DENND1A: variants seen among roughly 807,000 people sequenced by gnomAD.
The protein encoded by DENND1A is DENN domain containing 1A.
In DENND1A, 51 loss-of-function variants were observed where a neutral mutation model predicts 113.7. The observed-to-expected ratio is 0.45, with a 90% CI of 0.36 to 0.57. The LOEUF is 0.57. Among genes scored for constraint, DENND1A ranks in the 20% least tolerant of loss-of-function variants. The pLI is 0.00. For missense variants in DENND1A, 1,258 were observed against 1,395.9 expected (o/e 0.90, Z 1.57); for synonymous variants, 565 against 570.8 (o/e 0.99, Z 0.14).
chr9:123,453,911 A>C (rs2047918750), intron 16 of DENND1A, among the ~76,000 whole-genome samples: 1 of 152,222 alleles, frequency 6.6e-6, no homozygotes, highest in Non-Finnish European at 1.5e-5. Context: ...CAATCAATCA[A>C]CAAGTCCTTA....
chr9:123,572,536 C>T (rs1315579213), intron 12 of DENND1A, among the ~76,000 whole-genome samples: 2 of 152,094 alleles, frequency 1.3e-5, no homozygotes, highest in Admixed American at 6.5e-5. Flanking sequence ...TGCAGTAGAA[C>T]CTTGTTGTGA....
rs747838140 is a variant in DENND1A, at chr9:123,514,090, GTGTGTGTATGTGTGTGTGTC to G, written c.993+43460_993+43479del. Among the ~76,000 whole-genome samples, 441 of 85,348 alleles carry G rather than the reference GTGTGTGTATGTGTGTGTGTC, an allele frequency of 5.2e-3. 1 individual carries two copies. The highest frequency in any genetic ancestry group is 0.021 in the Middle Eastern group (3 of 144). 56.0% of individuals were successfully genotyped at this position (85,348 alleles called of 152,430 possible). A position where few individuals can be genotyped will look rare whatever the true frequency, so the allele number is the denominator to read the frequency against. ...GGTGTGTGTGTGTGTGTGTGTGTGT[GTGTGTGTATGTGTGTGTGTC>G]TGTGTGTGTGTCCATGACACCCAGC... On this transcript the variant is annotated intron_variant, in intron 13 of 23. Transcript: ENST00000394215.
chr9:123,541,138 A>G (rs1239671292), intron 13 of DENND1A, among the ~76,000 whole-genome samples: 1 of 152,236 alleles, frequency 6.6e-6, no homozygotes, highest in Non-Finnish European at 1.5e-5. Context: ...TCACTGCTGC[A>G]ATTCCAAGCA....
chr9:123,538,951 G>C (rs1052802216), intron 13 of DENND1A, among the ~76,000 whole-genome samples: 1 of 149,654 alleles, frequency 6.7e-6, no homozygotes, highest in Non-Finnish European at 1.5e-5. Context: ...GGTAAATAAA[G>C]AGAAAGAGTC....
chr9:123,725,357 C>T (rs1484289482), intron 5 of DENND1A, among the ~76,000 whole-genome samples: 1 of 152,206 alleles, frequency 6.6e-6, no homozygotes, highest in African/African-American at 2.4e-5. Flanking sequence ...TGCAAACCAA[C>T]TTGAGAAAAG....
intron 5 of DENND1A, among the ~76,000 whole-genome samples, chr9:123,710,319 G>A (rs2066493298): frequency 6.6e-6 from 1 of 152,116 alleles, no homozygotes; most frequent in Non-Finnish European, 1.5e-5. Context: ...ACAAAATTTT[G>A]CAAAAACACA....
chr9:123,474,025 C>T (rs1190601839), intron 13 of DENND1A, among the ~76,000 whole-genome samples: 11 of 122,450 alleles, frequency 9.0e-5, no homozygotes, highest in South Asian at 5.3e-4. Flanking sequence ...GATGGAGTCT[C>T]GCTCTGTCTC....
intron 13 of DENND1A, among the ~76,000 whole-genome samples, chr9:123,472,310 T>G (rs959657058): frequency 5.3e-5 from 8 of 152,120 alleles, no homozygotes; most frequent in Admixed American, 3.9e-4. Flanking sequence ...AAGAAGCAAG[T>G]GCTCCCTAAC....
At chr9:123,548,109 C>T (rs1003405125) in intron 13 of DENND1A, among the ~76,000 whole-genome samples, 46 of 152,170 alleles carry the variant, frequency 3.0e-4, no homozygotes, top group African/African-American at 1.1e-3. Flanking sequence ...GGCCATACTC[C>T]TTCCATCACA....
intron 13 of DENND1A, among the ~76,000 whole-genome samples, chr9:123,545,527 C>T (rs1469653782): frequency 1.3e-5 from 2 of 151,750 alleles, no homozygotes; most frequent in Non-Finnish European, 2.9e-5. Flanking sequence ...AGTGCAGTGG[C>T]ACGATCTCAG....
intron 1 of DENND1A, among the ~76,000 whole-genome samples, chr9:123,898,399 A>G (rs1213679189): frequency 6.6e-6 from 1 of 152,100 alleles, no homozygotes; most frequent in Non-Finnish European, 1.5e-5. Context: ...ACATGAACAC[A>G]GCTTACTGCA....
At chr9:123,395,103 C>T (rs144499550) in intron 21 of DENND1A, among the ~76,000 whole-genome samples, 173 of 152,236 alleles carry the variant, frequency 1.1e-3, no homozygotes, top group African/African-American at 4.0e-3. Context: ...TGAGAAATGG[C>T]GATGTGGCAT....
intron 3 of DENND1A, among the ~76,000 whole-genome samples, chr9:123,774,696 A>G (rs1474920842): frequency 1.3e-5 from 2 of 152,170 alleles, no homozygotes; most frequent in Non-Finnish European, 2.9e-5. Context: ...GTACATTTCA[A>G]TATTTACCCC....
intron 13 of DENND1A, among the ~76,000 whole-genome samples, chr9:123,479,855 C>A (rs1481359922): frequency 1.3e-5 from 2 of 152,222 alleles, no homozygotes; most frequent in Admixed American, 6.5e-5. Flanking sequence ...ACGCTAACTG[C>A]AGGGTGATTT....
chr9:123,485,656 G>GCACACACACACACACACA (rs77062893), intron 13 of DENND1A: 2 of 141,240 alleles, frequency 1.4e-5, no homozygotes, highest in African/African-American at 5.8e-5. Context: ...GCGCGCGCGC[G>GCACACACACACACACACA]CACACACACA....
intron 13 of DENND1A, among the ~76,000 whole-genome samples, chr9:123,467,069 AAAAACAAAAC>A (rs372292471): frequency 1.3e-5 from 2 of 152,156 alleles, no homozygotes; most frequent in Admixed American, 6.5e-5. Context: ...CCAAAAAAAC[AAAAACAAAAC>A]AAAACAAAAC....
intron 2 of DENND1A, among the ~76,000 whole-genome samples, chr9:123,854,694 CA>C (rs5900588): frequency 2.8e-5 from 4 of 143,822 alleles, no homozygotes; most frequent in African/African-American, 8.1e-5. Context: ...TACTCTGTCT[CA>C]AAAAAAAAAT....
At chr9:123,477,541 C>T (rs1365432880) in intron 13 of DENND1A, among the ~76,000 whole-genome samples, 3 of 151,640 alleles carry the variant, frequency 2.0e-5, no homozygotes, top group African/African-American at 2.4e-5. Flanking sequence ...GCCTGGGTGA[C>T]GTAACATGGA....
Position 123,904,841 on chromosome 9 carries a change from C to T in DENND1A, c.17+25048G>A, listed in dbSNP as rs1362843167. ...AGCAAGGCAGGCCAACGTTCAGATT[C>T]AGGAAATACAGAGAACGCCACACAG... On this transcript the variant is annotated intron_variant, in intron 1 of 23. Transcript: ENST00000394215. 3.3e-5 allele frequency among the ~76,000 whole-genome samples: 5 copies of T among 151,932 alleles called. No individual in the cohort carries two copies. The East Asian group carries it at 9.7e-4, about 29-fold the overall frequency.
Sources: allele counts gnomAD v4.1 joint callset (sites outside exome capture counted in the v4.1 genomes callset), GRCh38; gene constraint gnomAD v4.1.1; transcripts MANE v1.5; gene names NCBI Gene and HGNC (gene_info 2026-07-23, HGNC 2026-07-21).